KCNIP4: variants seen among roughly 807,000 people sequenced by gnomAD.
KCNIP4 encodes Kv channel-interacting protein 4.
A neutral mutation model predicts 34.0 loss-of-function variants in KCNIP4; 12 were observed. The observed-to-expected ratio is 0.35, with a 90% CI of 0.23 to 0.57. KCNIP4 has a LOEUF of 0.57. Among genes scored for constraint, KCNIP4 ranks in the 20% least tolerant of loss-of-function variants. The probability of loss-of-function intolerance (pLI) is 0.83; values close to 1 mark genes in which losing one functional copy is unlikely to be tolerated. For synonymous variants in KCNIP4, 124 were observed against 102.2 expected, an observed-to-expected ratio of 1.21 and a Z score of -1.29; for missense variants, 238 against 311.7, an observed-to-expected ratio of 0.76 and a Z score of 1.78.
intron 1 of KCNIP4, among the ~76,000 whole-genome samples, chr4:21,445,167 A>C (rs1196558991): frequency 6.6e-6 from 1 of 152,248 alleles, no homozygotes; most frequent in Non-Finnish European, 1.5e-5. Flanking sequence ...CATGGGCAGG[A>C]AGAATCAATA....
At chr4:21,007,420 A>G (rs77351247) in intron 1 of KCNIP4, among the ~76,000 whole-genome samples, 3,756 of 152,300 alleles carry the variant, frequency 0.025, 145 homozygotes, top group African/African-American at 0.084. Context: ...TAGTAGATGT[A>G]TATATTTATG....
intron 3 of KCNIP4, among the ~76,000 whole-genome samples, chr4:20,830,757 CTA>C (rs1022466587): frequency 6.6e-6 from 1 of 152,196 alleles, no homozygotes; most frequent in Non-Finnish European, 1.5e-5. Context: ...AGTTTGTTTA[CTA>C]TCCATCTCCC....
At chr4:20,987,433 A>G (rs577235433) in intron 1 of KCNIP4, among the ~76,000 whole-genome samples, 1 of 152,110 alleles carries the variant, frequency 6.6e-6, no homozygotes, top group Non-Finnish European at 1.5e-5. Flanking sequence ...CCAAAGGTAC[A>G]CTAAAGGCTT....
intron 3 of KCNIP4, among the ~76,000 whole-genome samples, chr4:20,835,024 T>C (rs768826902): frequency 3.3e-5 from 5 of 152,180 alleles, no homozygotes; most frequent in Non-Finnish European, 7.3e-5. Flanking sequence ...CCCTAGATTC[T>C]TTTAGGAACT....
intron 3 of KCNIP4, among the ~76,000 whole-genome samples, chr4:20,774,449 A>G (rs962100314): frequency 2.6e-5 from 4 of 152,208 alleles, no homozygotes; most frequent in Admixed American, 2.6e-4. Flanking sequence ...GCTGGATTTT[A>G]TCATAATTAA....
chr4:21,369,095 G>A lies in KCNIP4; in HGVS notation c.62-486386C>T, dbSNP rs930406670. 3.4e-5 allele frequency among the ~76,000 whole-genome samples: 5 copies of A among 147,032 alleles called. 1 individual carries two copies. The highest frequency in any genetic ancestry group is 1.4e-4 in the African/African-American group (5 of 36,750). On this transcript the variant is annotated intron_variant, in intron 1 of 8. Transcript: ENST00000382152. ...CTAGCTCCTGTTTTATCACTTACTA[G>A]CTGAATGGTCTTGAGAAATTAAGGT...
chr4:21,038,400 G>T (rs766568276), intron 1 of KCNIP4, among the ~76,000 whole-genome samples: 5 of 152,146 alleles, frequency 3.3e-5, no homozygotes, highest in African/African-American at 4.8e-5. Flanking sequence ...GGAGTTCAGA[G>T]ATGCCACAGA....
intron 1 of KCNIP4, among the ~76,000 whole-genome samples, chr4:21,147,195 C>G (rs913876364): frequency 1.3e-5 from 2 of 151,992 alleles, no homozygotes; most frequent in African/African-American, 2.4e-5. Flanking sequence ...GTAGGGTACA[C>G]TCCTTGACCA....
In KCNIP4 at chr4:21,457,969, C is replaced by A. The variant is rs561306273; in HGVS notation, c.61+490602G>T. On this transcript the variant is annotated intron_variant, in intron 1 of 8. Coordinates refer to ENST00000382152, the MANE Select transcript of KCNIP4 (RefSeq NM_025221.6). ...GCCCTCCATCTTATTCCCTGTGAAT[C>A]CATCTTTTATACTGATGACATGGTA... 1.2e-4 allele frequency among the ~76,000 whole-genome samples: 18 copies of A among 152,022 alleles called. No homozygotes were observed. In the South Asian group the frequency reaches 3.7e-3, roughly 32 times the overall value.
intron 1 of KCNIP4, among the ~76,000 whole-genome samples, chr4:21,249,078 G>C (rs906857107): frequency 6.6e-6 from 1 of 152,076 alleles, no homozygotes; most frequent in Non-Finnish European, 1.5e-5. Flanking sequence ...TTTCTTTAAA[G>C]TGTAAGGTAG....
intron 1 of KCNIP4, among the ~76,000 whole-genome samples, chr4:21,654,766 T>C (rs1034331910): frequency 3.3e-5 from 5 of 151,878 alleles, no homozygotes; most frequent in African/African-American, 1.2e-4. Flanking sequence ...TACTAAAAAA[T>C]ACAAAAAATT....
chr4:20,933,389 A>C (rs1018145854), intron 1 of KCNIP4, among the ~76,000 whole-genome samples: 2 of 152,224 alleles, frequency 1.3e-5, no homozygotes, highest in African/African-American at 2.4e-5. Flanking sequence ...ATAGATATTT[A>C]TAACATAATC....
intron 1 of KCNIP4, among the ~76,000 whole-genome samples, chr4:21,410,987 G>A (rs1027852013): frequency 6.6e-6 from 1 of 152,144 alleles, no homozygotes; most frequent in Admixed American, 6.5e-5. Context: ...TCAAGGTAGA[G>A]GTGACCTGGA....
At chr4:21,377,417 T>A (rs1721055524) in intron 1 of KCNIP4, among the ~76,000 whole-genome samples, 1 of 152,190 alleles carries the variant, frequency 6.6e-6, no homozygotes, top group Non-Finnish European at 1.5e-5. Context: ...ATTACTACAA[T>A]GAATCATGAA....
intron 1 of KCNIP4, among the ~76,000 whole-genome samples, chr4:21,908,976 T>C (rs1168063524): frequency 1.3e-5 from 2 of 152,150 alleles, no homozygotes; most frequent in African/African-American, 4.8e-5. Context: ...TTAGTCCACA[T>C]GAACTCTAGT....
rs139234856 is a variant in KCNIP4 at position 21,155,679 on chromosome 4, G to T, written c.62-272970C>A. ...TGGAACACGGAAGCTCTATGCTGGTGATCCTGGAGGGCTGAATCTCAAAAG... is the reference window on the plus strand; with the variant it reads ...TGGAACACGGAAGCTCTATGCTGGTTATCCTGGAGGGCTGAATCTCAAAAG... On this transcript the variant is annotated intron_variant, in intron 1 of 8. Transcript: ENST00000382152. Among the ~76,000 whole-genome samples the T allele has an allele frequency of 2.1e-3, 317 of 152,248 alleles. 1 individual carries two copies. The highest frequency in any genetic ancestry group is 7.3e-3 in the African/African-American group (304 of 41,552).
intron 1 of KCNIP4, among the ~76,000 whole-genome samples, chr4:20,953,019 G>A (rs1055571293): frequency 6.6e-6 from 1 of 152,204 alleles, no homozygotes; most frequent in Non-Finnish European, 1.5e-5. Context: ...TCATGACTTA[G>A]TCACTTCCCA....
chr4:21,383,053 G>T (rs1234519817), intron 1 of KCNIP4, among the ~76,000 whole-genome samples: 1 of 152,122 alleles, frequency 6.6e-6, no homozygotes, highest in Non-Finnish European at 1.5e-5. Context: ...TGTGCCTATT[G>T]TCAGAAGAAG....
intron 2 of KCNIP4, among the ~76,000 whole-genome samples, chr4:20,859,266 A>C (rs1721941047): frequency 6.6e-6 from 1 of 152,198 alleles, no homozygotes; most frequent in South Asian, 2.1e-4. Context: ...AGATTTGGGA[A>C]AGATGAATGT....
Sources: allele counts gnomAD v4.1 joint callset (sites outside exome capture counted in the v4.1 genomes callset), GRCh38; gene constraint gnomAD v4.1.1; transcripts MANE v1.5; gene names NCBI Gene and HGNC (gene_info 2026-07-23, HGNC 2026-07-21).